RGS9: variants seen among roughly 807,000 people sequenced by gnomAD.
RGS9 encodes regulator of G-protein signalling 9.
In RGS9, 78 loss-of-function variants were observed where a neutral mutation model predicts 102.0. The observed-to-expected ratio is 0.76, with a 90% CI of 0.64 to 0.92. The LOEUF is 0.92. Among genes scored for constraint, RGS9 ranks in the 40% least tolerant of loss-of-function variants. The pLI, the probability that RGS9 is intolerant of heterozygous loss-of-function variation, is 0.00. For missense variants in RGS9, 833 were observed against 866.1 expected (o/e 0.96, Z 0.48); for synonymous variants, 353 against 318.6 (o/e 1.11, Z -1.15).
At chr17:65,146,172 CT>C (rs1910352015) in intron 1 of RGS9, among the ~76,000 whole-genome samples, 1 of 152,194 alleles carries the variant, frequency 6.6e-6, no homozygotes, top group Non-Finnish European at 1.5e-5. Flanking sequence ...TATATGTCTT[CT>C]CCAATATATG....
Position 65,227,618 on chromosome 17 carries a change from C to A in RGS9, c.*211C>A. 3.2e-6 allele frequency: 2 copies of A among 634,878 alleles called. No homozygotes were observed. The highest frequency in any genetic ancestry group is 5.5e-6 in the Non-Finnish European group (2 of 364,828). The allele number at this position is 634,878 out of a possible 1,614,324, so 39.3% of individuals were successfully genotyped here. On this transcript the variant is annotated 3_prime_UTR_variant, in exon 19 of 19. Transcript: ENST00000262406. ...CTTCTCCTCTTCCTGACCCTCCCTC[C>A]CCTGGGCAGAAGAAACGCATGTGGA...
intron 11 of RGS9, among the ~76,000 whole-genome samples, chr17:65,192,916 G>A (rs983124874): frequency 6.6e-6 from 1 of 151,892 alleles, no homozygotes; most frequent in African/African-American, 2.4e-5. Flanking sequence ...ACTCCAAGTT[G>A]GTTTGAATCT....
chr17:65,163,695 G>A (rs1911072090), intron 7 of RGS9, among the ~76,000 whole-genome samples: 1 of 152,116 alleles, frequency 6.6e-6, no homozygotes, highest in African/African-American at 2.4e-5. Context: ...TGCATAGGAG[G>A]GGTCCAGGTG....
chr17:65,170,626 G>A (rs938509088), intron 8 of RGS9, among the ~76,000 whole-genome samples: 7 of 152,140 alleles, frequency 4.6e-5, no homozygotes, highest in African/African-American at 1.7e-4. Flanking sequence ...TCATTAGAAC[G>A]TTGCCTGGGT....
intron 9 of RGS9, among the ~76,000 whole-genome samples, chr17:65,181,810 T>A (rs1304885223): frequency 1.3e-5 from 2 of 152,234 alleles, no homozygotes; most frequent in Admixed American, 6.5e-5. Context: ...AGGGGAAGCA[T>A]GCTAGTTCCT....
chr17:65,188,050 T>A (rs1439677326), intron 9 of RGS9, among the ~76,000 whole-genome samples: 4 of 152,122 alleles, frequency 2.6e-5, no homozygotes, highest in Non-Finnish European at 5.9e-5. Flanking sequence ...TCTTGAAGTA[T>A]AAGAGTCAGT....
chr17:65,207,857 G>C lies in RGS9; in HGVS notation c.1204-65G>C, dbSNP rs375646866. The C allele has an allele frequency of 4.3e-6, 5 of 1,157,530 alleles. No individual in the cohort carries two copies. The African/African-American group carries it at 6.1e-5, about 14-fold the overall frequency. The allele number at this position is 1,157,530 out of a possible 1,614,324, so 71.7% of individuals were successfully genotyped here. A position where few individuals can be genotyped will look rare whatever the true frequency, so the allele number is the denominator to read the frequency against. On this transcript the variant is annotated intron_variant, in intron 15 of 18. Coordinates refer to ENST00000262406, the MANE Select transcript of RGS9 (RefSeq NM_003835.4). ...GCCAAGGGAGGCTTGAAAATGGCAA[G>C]GGTATTGGTTTGATTTGACTGCTTT...
chr17:65,194,580 C>CTT (rs149283172), intron 12 of RGS9, among the ~76,000 whole-genome samples: 1 of 151,936 alleles, frequency 6.6e-6, no homozygotes, highest in African/African-American at 2.4e-5. Flanking sequence ...TACCCTTTGG[C>CTT]TTTTTTTTGT....
intron 1 of RGS9, among the ~76,000 whole-genome samples, chr17:65,147,052 C>T (rs961458374): frequency 7.2e-5 from 11 of 152,252 alleles, no homozygotes; most frequent in South Asian, 4.2e-4. Context: ...CCCAGTGCCC[C>T]GCAAACACCC....
At chr17:65,209,755 C>A (rs555770603) in intron 16 of RGS9, among the ~76,000 whole-genome samples, 14 of 152,348 alleles carry the variant, frequency 9.2e-5, no homozygotes, top group African/African-American at 3.4e-4. Context: ...CCAGCTCTTT[C>A]CTTCCTTCCC....
chr17:65,174,747 C>T (rs868117030), intron 8 of RGS9, among the ~76,000 whole-genome samples: 17 of 151,938 alleles, frequency 1.1e-4, no homozygotes, highest in African/African-American at 3.4e-4. Flanking sequence ...TAAAGAAATA[C>T]GCAAGACTGG....
At chr17:65,222,875 G>A (rs971952570) in intron 17 of RGS9, among the ~76,000 whole-genome samples, 1 of 152,146 alleles carries the variant, frequency 6.6e-6, no homozygotes. Context: ...TTCTGCCTTT[G>A]TACTAAGCAC....
intron 16 of RGS9, among the ~76,000 whole-genome samples, chr17:65,208,476 G>A (rs956120448): frequency 9.2e-5 from 14 of 152,152 alleles, no homozygotes; most frequent in African/African-American, 2.4e-4. Context: ...TGCTGCCTCC[G>A]GGGACCATGT....
chr17:65,163,260 C>T (rs750146723), intron 7 of RGS9, among the ~76,000 whole-genome samples, 171 bp downstream of exon 7: 3 of 149,972 alleles, frequency 2.0e-5, no homozygotes, highest in African/African-American at 4.9e-5. Context: ...CTGCAACCTC[C>T]GCCTCCTGGG....
chr17:65,227,590 C>G lies in RGS9; in HGVS notation c.*183C>G, dbSNP rs1905757185. The G allele has an allele frequency of 3.9e-6, 3 of 765,516 alleles. No homozygotes were observed. The highest frequency in any genetic ancestry group is 6.4e-6 in the Non-Finnish European group (3 of 466,696). The allele number at this position is 765,516 out of a possible 1,614,324, so 47.4% of individuals were successfully genotyped here. ...GCTCTGGCTGGTTACCAGGGGCCAACTCCTTCTCCTCTTCCTGACCCTCCC... is the reference window on the plus strand; with the variant it reads ...GCTCTGGCTGGTTACCAGGGGCCAAGTCCTTCTCCTCTTCCTGACCCTCCC... On this transcript the variant is annotated 3_prime_UTR_variant, in exon 19 of 19. Transcript: ENST00000262406.
intron 17 of RGS9, among the ~76,000 whole-genome samples, chr17:65,212,088 A>G (rs9900709): frequency 0.19 from 28,623 of 152,214 alleles, 4,681 homozygotes; most frequent in African/African-American, 0.44. Flanking sequence ...CCCATGCTGA[A>G]GACTGAATTG....
At chr17:65,199,846 A>G (rs948868211) in intron 13 of RGS9, among the ~76,000 whole-genome samples, 1 of 151,570 alleles carries the variant, frequency 6.6e-6, no homozygotes, top group Non-Finnish European at 1.5e-5. Flanking sequence ...CTTTTTAATG[A>G]CCCCATAATA....
chr17:65,176,508 G>GGCA (rs1376168471), intron 8 of RGS9, among the ~76,000 whole-genome samples: 9 of 152,170 alleles, frequency 5.9e-5, no homozygotes, highest in African/African-American at 2.2e-4. Context: ...ACCCAGACGT[G>GGCA]CCTGACAAGC....
chr17:65,223,502 G>C (rs1453150550), intron 17 of RGS9, among the ~76,000 whole-genome samples: 1 of 152,244 alleles, frequency 6.6e-6, no homozygotes, highest in South Asian at 2.1e-4. Flanking sequence ...GCCCTTCCCT[G>C]TTCAGGCTGG....
Sources: gnomAD v4.1 joint callset for allele counts (sites outside exome capture counted in the v4.1 genomes callset) on GRCh38, gnomAD v4.1.1 for gene constraint, MANE v1.5 for transcripts, NCBI Gene and HGNC (gene_info 2026-07-23, HGNC 2026-07-21) for gene names.